UBASH3B: variants seen among roughly 807,000 people sequenced by gnomAD.
UBASH3B encodes the protein ubiquitin-associated and SH3 domain-containing protein B.
In UBASH3B, 37 loss-of-function variants were observed where a neutral mutation model predicts 83.4. That is an observed-to-expected ratio of 0.44 (90% confidence interval 0.34 to 0.58). The LOEUF is 0.58. Among genes scored for constraint, UBASH3B ranks in the 20% least tolerant of loss-of-function variants. The pLI is 0.01. For synonymous variants in UBASH3B, 304 were observed against 318.3 expected, an observed-to-expected ratio of 0.96 and a Z score of 0.48; for missense variants, 657 against 827.2, an observed-to-expected ratio of 0.79 and a Z score of 2.52.
rs1030276778 is a variant in UBASH3B, at chr11:122,788,654, G to A, written c.772-446G>A. 2.0e-5 allele frequency among the ~76,000 whole-genome samples: 3 copies of A among 152,084 alleles called. No homozygotes were observed. The East Asian group carries it at 5.8e-4, about 29-fold the overall frequency. ...TCATTCCCTGAGCCTTCCTGGAGGA[G>A]AGACACTCCACCTGGCCCCTCTGTA... On this transcript the variant is annotated intron_variant, in intron 5 of 13. Transcript: ENST00000284273.
intron 1 of UBASH3B, among the ~76,000 whole-genome samples, chr11:122,723,950 T>C (rs780681614): frequency 1.3e-5 from 2 of 152,222 alleles, no homozygotes; most frequent in African/African-American, 2.4e-5. Flanking sequence ...TAGCTGGTTC[T>C]GTGTCATTGG....
At chr11:122,774,009 C>T (rs765992757) in intron 1 of UBASH3B, 90 of 985,046 alleles carry the variant, frequency 9.1e-5, no homozygotes, top group Non-Finnish European at 1.1e-4. Flanking sequence ...ATTCTAACCT[C>T]TAAAAGGTCA....
chr11:122,656,905 T>C (rs1863372158), intron 1 of UBASH3B, among the ~76,000 whole-genome samples: 1 of 152,214 alleles, frequency 6.6e-6, no homozygotes, highest in Admixed American at 6.5e-5. Flanking sequence ...TTCTTCATCC[T>C]TCCTCTAGGA....
intron 10 of UBASH3B, 41 bp from the exon 11 acceptor site, chr11:122,801,147 C>T (rs761981086): frequency 3.1e-6 from 5 of 1,604,370 alleles, no homozygotes; most frequent in Non-Finnish European, 4.3e-6. Context: ...CCTGAGAATC[C>T]ACAGGCACTT....
intron 1 of UBASH3B, among the ~76,000 whole-genome samples, chr11:122,720,092 G>A (rs1173750015): frequency 3.9e-5 from 6 of 152,060 alleles, no homozygotes; most frequent in African/African-American, 1.4e-4. Context: ...CTGGCTTTAT[G>A]TACTATCCAT....
intron 1 of UBASH3B, among the ~76,000 whole-genome samples, chr11:122,676,983 T>C (rs965042035): frequency 1.1e-4 from 16 of 152,330 alleles, no homozygotes; most frequent in Admixed American, 6.5e-5. Context: ...CCTGGGTACA[T>C]TTTTCTCTTA....
At chr11:122,793,443 T>G (rs1424349806) in intron 6 of UBASH3B, among the ~76,000 whole-genome samples, 1 of 152,158 alleles carries the variant, frequency 6.6e-6, no homozygotes, top group Admixed American at 6.5e-5. Flanking sequence ...GAACAGGTGG[T>G]AGCCTAAACG....
In UBASH3B at chr11:122,801,256, G is replaced by T; in HGVS notation, c.1519G>T (p.Ala507Ser). The change falls in exon 11 of 14, where the codon GCT (alanine) becomes TCT (serine). Residue 507 changes from alanine to serine, a missense_variant. This residue lies in a region of UBASH3B where 573 missense variants were observed against 739.0 expected (regional missense o/e 0.78). Transcript: ENST00000284273. ...CTTATTTGAGTGGACAAAATGGGTT[G>T]CTGGGAGCACATTACCTGCATGGAT... The part of the protein sequence containing the change: ...PGLFEWTKWV[A>S]GSTLPAWIPP... 6.2e-7 allele frequency: 1 copy of T among 1,614,182 alleles called. No homozygotes were observed. The highest frequency in any genetic ancestry group is 8.5e-7 in the Non-Finnish European group (1 of 1,180,022).
chr11:122,751,473 C>G (rs1224131891), intron 1 of UBASH3B, among the ~76,000 whole-genome samples: 1 of 152,232 alleles, frequency 6.6e-6, no homozygotes, highest in Admixed American at 6.5e-5. Context: ...TGCTGGCAGC[C>G]TGGCCAGCAG....
chr11:122,746,493 T>A (rs1228493563), intron 1 of UBASH3B, among the ~76,000 whole-genome samples: 1 of 152,204 alleles, frequency 6.6e-6, no homozygotes, highest in Non-Finnish European at 1.5e-5. Context: ...AATCAATAAA[T>A]TAAACACCTA....
intron 1 of UBASH3B, among the ~76,000 whole-genome samples, chr11:122,729,715 G>A (rs1054579091): frequency 1.2e-4 from 18 of 145,780 alleles, no homozygotes; most frequent in South Asian, 4.4e-4. Context: ...ATCCTAACAC[G>A]TTGGGAGGCC....
intron 1 of UBASH3B, among the ~76,000 whole-genome samples, chr11:122,722,304 T>C (rs1217326830): frequency 1.3e-5 from 2 of 152,214 alleles, no homozygotes; most frequent in Non-Finnish European, 2.9e-5. Flanking sequence ...TAATTACTGA[T>C]AGGTGTCCTG....
chr11:122,789,795 A>G (rs937411294), intron 6 of UBASH3B, among the ~76,000 whole-genome samples: 1 of 152,194 alleles, frequency 6.6e-6, no homozygotes, highest in Non-Finnish European at 1.5e-5. Flanking sequence ...GACACAGCCT[A>G]TGCATGCCTA....
intron 1 of UBASH3B, among the ~76,000 whole-genome samples, chr11:122,680,177 GC>G (rs1161638006): frequency 6.6e-6 from 1 of 152,156 alleles, no homozygotes; most frequent in South Asian, 2.1e-4. Flanking sequence ...TAGCTCACAG[GC>G]TGTACAAAAG....
intron 2 of UBASH3B, among the ~76,000 whole-genome samples, chr11:122,776,633 A>G (rs1438378612): frequency 2.0e-5 from 3 of 152,120 alleles, no homozygotes; most frequent in African/African-American, 4.8e-5. Flanking sequence ...GGGTCCTACA[A>G]GGTTACCTCT....
chr11:122,791,501 T>C (rs1341346088), intron 6 of UBASH3B, among the ~76,000 whole-genome samples: 1 of 152,230 alleles, frequency 6.6e-6, no homozygotes, highest in Non-Finnish European at 1.5e-5. Context: ...TTCTATCTTG[T>C]GTTTGCCAGT....
At chr11:122,737,987 C>A (rs1221926930) in intron 1 of UBASH3B, among the ~76,000 whole-genome samples, 3 of 152,026 alleles carry the variant, frequency 2.0e-5, no homozygotes, top group African/African-American at 4.8e-5. Flanking sequence ...TCAGAGTTTA[C>A]AAAGGAAACT....
In UBASH3B at chr11:122,813,003, A is replaced by G. The variant is rs1396609232; in HGVS notation, c.*3117A>G. ...AAGAGGGGCGTATTTTTCACTCTGTAGTGAAAGGCTTGGAGGAGTTTCTAC... is the reference window on the plus strand; with the variant it reads ...AAGAGGGGCGTATTTTTCACTCTGTGGTGAAAGGCTTGGAGGAGTTTCTAC... On this transcript the variant is annotated 3_prime_UTR_variant, in exon 14 of 14. Coordinates refer to ENST00000284273, the MANE Select transcript of UBASH3B (RefSeq NM_032873.5). 2 of 152,680 alleles carry G rather than the reference A, an allele frequency of 1.3e-5. No homozygotes were observed. Among genetic ancestry groups the G allele is most frequent in the Admixed American group, 6.5e-5 (1 of 15,280 alleles). 9.5% of individuals were successfully genotyped at this position (152,680 alleles called of 1,614,324 possible). A position where few individuals can be genotyped will look rare whatever the true frequency, so the allele number is the denominator to read the frequency against.
rs547424690 is a variant in UBASH3B, at chr11:122,677,883, G to T, written c.161+21673G>T. ...GCCTCCCAGATTCAAGCAATTCTCC[G>T]GCCTCAGCCTCCTGAGTAGCTGGGA... On this transcript the variant is annotated intron_variant, in intron 1 of 13. Coordinates refer to ENST00000284273, the MANE Select transcript of UBASH3B (RefSeq NM_032873.5). Among the ~76,000 whole-genome samples, 5 of 152,146 alleles carry T rather than the reference G, an allele frequency of 3.3e-5. No individual in the cohort carries two copies. In the East Asian group the frequency reaches 9.7e-4, roughly 29 times the overall value.
Sources: allele counts gnomAD v4.1 joint callset (sites outside exome capture counted in the v4.1 genomes callset), GRCh38; gene constraint gnomAD v4.1.1; regional missense constraint gnomAD v4.1.1; transcripts MANE v1.5; gene names NCBI Gene and HGNC (gene_info 2026-07-23, HGNC 2026-07-21).